Variants in GOLM1 observed in about 807,000 individuals in gnomAD.
GOLM1 encodes epididymis luminal protein 46.
Under a neutral mutation model 50.5 loss-of-function variants are expected in GOLM1, and 31 were observed. The ratio of observed to expected loss-of-function variants is 0.61; its 90% CI spans 0.46 to 0.83. The LOEUF (loss-of-function observed/expected upper bound fraction) is 0.83, where lower values mean the gene tolerates loss of function less well. GOLM1 is among the 40% of genes least tolerant of loss of function. The pLI is 0.00. For missense variants in GOLM1, 491 were observed against 501.3 expected (o/e 0.98, Z 0.20); for synonymous variants, 178 against 192.8 (o/e 0.92, Z 0.64).
At chr9:86,093,773 G>A (rs1230917570) in intron 1 of GOLM1, among the ~76,000 whole-genome samples, 1 of 152,036 alleles carries the variant, frequency 6.6e-6, no homozygotes, top group African/African-American at 2.4e-5. Flanking sequence ...CCAAATACAC[G>A]AGCCCCTTGA....
At chr9:86,079,557 C>T (rs963159300) in intron 1 of GOLM1, 1 of 385,648 alleles carries the variant, frequency 2.6e-6, no homozygotes, top group Non-Finnish European at 4.6e-6. Flanking sequence ...GGCCAGTTCC[C>T]AGGACAGGCT....
rs369876488 is a variant in GOLM1, at chr9:86,031,653, G to A, written c.1129+1629C>T. On this transcript the variant is annotated intron_variant, in intron 9 of 9. Coordinates refer to ENST00000388712, the MANE Select transcript of GOLM1 (RefSeq NM_016548.4). Reference sequence around the variant, plus strand: ...ATTTTCTTGTATTTAGTAGAGACGGGGTTTCACCATGTTAGTTAGGCTGGT... The same window carrying A: ...ATTTTCTTGTATTTAGTAGAGACGGAGTTTCACCATGTTAGTTAGGCTGGT... Among the ~76,000 whole-genome samples the A allele has an allele frequency of 1.2e-3, 182 of 151,272 alleles. 4 individuals are homozygous for A. In the South Asian group the frequency reaches 0.032, roughly 26 times the overall value.
At chr9:86,033,532 G>C (rs2118630638) in intron 8 of GOLM1, 137 bp from the exon 9 acceptor site, 1 of 629,386 alleles carries the variant, frequency 1.6e-6, no homozygotes, top group Non-Finnish European at 2.8e-6. Context: ...AAATGGTAGG[G>C]ACGCAAGGGC....
chr9:86,094,341 A>G (rs560051683), intron 1 of GOLM1, among the ~76,000 whole-genome samples: 5 of 152,256 alleles, frequency 3.3e-5, no homozygotes, highest in South Asian at 4.1e-4. Context: ...CAGTTTGTCA[A>G]CTCTGCCTCT....
At chr9:86,090,259 CA>C (rs1835133987) in intron 1 of GOLM1, among the ~76,000 whole-genome samples, 1 of 152,176 alleles carries the variant, frequency 6.6e-6, no homozygotes. Context: ...TGTCCCCTAG[CA>C]GACTTTGAGT....
At chr9:86,036,213 G>T in intron 7 of GOLM1, 135 bp downstream of exon 7, 1 of 845,230 alleles carries the variant, frequency 1.2e-6, no homozygotes, top group Non-Finnish European at 2.0e-6. Context: ...AATTCCAGGG[G>T]CCCAGAGAGA....
At chr9:86,079,505 G>A (rs1020741967) in intron 1 of GOLM1, among the ~76,000 whole-genome samples, 164 bp from the exon 2 acceptor site, 1 of 152,136 alleles carries the variant, frequency 6.6e-6, no homozygotes, top group African/African-American at 2.4e-5. Flanking sequence ...GTATGTGAAC[G>A]GCACGCACAG....
At chr9:86,067,657 A>G (rs1834341796) in intron 3 of GOLM1, among the ~76,000 whole-genome samples, 1 of 152,198 alleles carries the variant, frequency 6.6e-6, no homozygotes, top group Non-Finnish European at 1.5e-5. Context: ...GTGTACACCT[A>G]AAATTCATGT....
At chr9:86,091,137 T>C (rs1016496822) in intron 1 of GOLM1, among the ~76,000 whole-genome samples, 1 of 152,126 alleles carries the variant, frequency 6.6e-6, no homozygotes, top group African/African-American at 2.4e-5. Flanking sequence ...CAGTTGGAAA[T>C]GCAGAAATCA....
chr9:86,031,449 G>GTTTTTT (rs774806772), intron 9 of GOLM1, among the ~76,000 whole-genome samples: 2 of 79,494 alleles, frequency 2.5e-5, no homozygotes, highest in Admixed American at 1.7e-4. Flanking sequence ...TACCACTGAG[G>GTTTTTT]TTTTTTTTTT....
chr9:86,058,912 C>T (rs1047167634), intron 3 of GOLM1, among the ~76,000 whole-genome samples: 10 of 151,998 alleles, frequency 6.6e-5, no homozygotes, highest in Non-Finnish European at 1.0e-4. Flanking sequence ...TAGGGAGAAT[C>T]GCTTGAATCC....
chr9:86,046,736 G>A (rs1384745487), intron 4 of GOLM1, among the ~76,000 whole-genome samples, 164 bp from the exon 5 acceptor site: 20 of 152,194 alleles, frequency 1.3e-4, no homozygotes, highest in Non-Finnish European at 2.1e-4. Flanking sequence ...TCCCTCCCCA[G>A]AGTCACTAAA....
At chr9:86,033,030 A>C (rs984648744) in intron 9 of GOLM1, among the ~76,000 whole-genome samples, 2 of 152,160 alleles carry the variant, frequency 1.3e-5, no homozygotes, top group Non-Finnish European at 2.9e-5. Flanking sequence ...ATCCTACTTA[A>C]AGAGTTGAGC....
At chr9:86,068,793 C>G (rs1162967090) in intron 3 of GOLM1, among the ~76,000 whole-genome samples, 1 of 152,204 alleles carries the variant, frequency 6.6e-6, no homozygotes, top group Non-Finnish European at 1.5e-5. Context: ...CAGAACCAAA[C>G]GTATGCTTTG....
chr9:86,093,870 G>A (rs12340505), intron 1 of GOLM1, among the ~76,000 whole-genome samples: 2,118 of 152,208 alleles, frequency 0.014, 50 homozygotes, highest in African/African-American at 0.047. Context: ...GAGCAATCGC[G>A]TCAGATTAGC....
intron 8 of GOLM1, 21 bp from the exon 9 acceptor site, chr9:86,033,416 AC>A (rs1196247111): frequency 7.4e-7 from 1 of 1,359,548 alleles, no homozygotes; most frequent in Non-Finnish European, 1.1e-6. Flanking sequence ...AGCACATAAA[AC>A]ATAAGCTACA....
In GOLM1 at chr9:86,026,165, T is replaced by TATTTC. The variant is rs1333410079; in HGVS notation, c.*1647_*1651dup. The TATTTC allele has an allele frequency of 1.0e-6, 1 of 984,374 alleles. No homozygotes were observed. The highest frequency in any genetic ancestry group is 1.2e-6 in the Non-Finnish European group (1 of 829,088). The allele number at this position is 984,374 out of a possible 1,614,324, so 61.0% of individuals were successfully genotyped here. On this transcript the variant is annotated 3_prime_UTR_variant, in exon 10 of 10. Coordinates refer to ENST00000388712, the MANE Select transcript of GOLM1 (RefSeq NM_016548.4). ...GTTTTATAAGTTGAACAGAACATTT[T>TATTTC]ATTTCTCAGCAATTCTATGCGTACA...
chr9:86,079,128 C>A, intron 2 of GOLM1, 64 bp downstream of exon 2: 2 of 1,385,282 alleles, frequency 1.4e-6, no homozygotes, highest in Non-Finnish European at 1.9e-6. Flanking sequence ...CCTGGGACCC[C>A]ATCATAACAA....
At chr9:86,096,644 T>C (rs923439957) in intron 1 of GOLM1, among the ~76,000 whole-genome samples, 1 of 152,202 alleles carries the variant, frequency 6.6e-6, no homozygotes, top group Admixed American at 6.5e-5. Context: ...GTAGAAACTA[T>C]GCTGATGTAA....
Sources: gnomAD v4.1 joint callset for allele counts (sites outside exome capture counted in the v4.1 genomes callset) on GRCh38, gnomAD v4.1.1 for gene constraint, MANE v1.5 for transcripts, NCBI Gene and HGNC (gene_info 2026-07-23, HGNC 2026-07-21) for gene names.